PHEX: variants seen among roughly 807,000 people sequenced by gnomAD.
PHEX encodes phosphate-regulating neutral endopeptidase PHEX.
PHEX carries 16 observed loss-of-function variants against 68.0 expected under a neutral mutation model. The ratio of observed to expected loss-of-function variants is 0.24; its 90% CI spans 0.16 to 0.36. The LOEUF (loss-of-function observed/expected upper bound fraction) is 0.36. Ranked by LOEUF, PHEX falls within the 10% of genes least tolerant of loss-of-function variation. PHEX has a pLI of 1.00. For missense variants in PHEX, 480 were observed against 575.5 expected (o/e 0.83, Z 1.70); for synonymous variants, 208 against 205.1 (o/e 1.01, Z -0.12).
At chrX:22,209,675 CCTCCCTCTCCTCCCTCTCCTCCCT>C (rs1363056527) in intron 15 of PHEX, among the ~76,000 whole-genome samples, 7 of 85,316 alleles carry the variant, frequency 8.2e-5, no homozygotes, top group Non-Finnish European at 1.5e-4. Context: ...CCTTCCTCTC[CCTCCCTCTCCTCCCTCTCCTCCCT>C]CTCCCTCTCT....
chrX:22,139,937 T>C lies in PHEX; in HGVS notation c.1404+6313T>C, dbSNP rs757983599. Reference sequence around the variant, plus strand: ...ATGTAAATGTCATTTAGGGGGATGCTTTAGGTCATTCATTCTCACACTTGA... The same window carrying C: ...ATGTAAATGTCATTTAGGGGGATGCCTTAGGTCATTCATTCTCACACTTGA... On this transcript the variant is annotated intron_variant, in intron 12 of 21. Coordinates refer to ENST00000379374, the MANE Select transcript of PHEX (RefSeq NM_000444.6). Among the ~76,000 whole-genome samples, 445 of 111,232 alleles carry C rather than the reference T, an allele frequency of 4.0e-3. 5 individuals carry two copies. The highest frequency in any genetic ancestry group is 0.013 in the African/African-American group (404 of 30,660).
chrX:22,153,871 T>A (rs1372124572), intron 12 of PHEX, among the ~76,000 whole-genome samples: 1 of 112,285 alleles, frequency 8.9e-6, no homozygotes, highest in Non-Finnish European at 1.9e-5. Flanking sequence ...ATGGCTTTTT[T>A]GATGCCTGAA....
At chrX:22,135,099 A>G (rs1244121586) in intron 12 of PHEX, among the ~76,000 whole-genome samples, 2 of 112,232 alleles carry the variant, frequency 1.8e-5, no homozygotes, top group Admixed American at 9.5e-5. Context: ...GCGTTTGTTC[A>G]GTGTTTATAA....
intron 8 of PHEX, chrX:22,097,610 G>A (rs1602290995): frequency 4.4e-6 from 1 of 228,706 alleles, no homozygotes; most frequent in East Asian, 2.4e-4. Context: ...GGGGAGGTTG[G>A]GCAAGTGAGT....
At chrX:22,107,551 C>T (rs1422935580) in intron 9 of PHEX, among the ~76,000 whole-genome samples, 3 of 111,856 alleles carry the variant, frequency 2.7e-5, no homozygotes, top group African/African-American at 9.8e-5. Context: ...CTGCCCACTT[C>T]CTTGAGTGAT....
Position 22,178,311 on chromosome X carries a change from A to G in PHEX, c.1521A>G (p.Leu507=). 8.3e-7 allele frequency: 1 copy of G among 1,205,330 alleles called. No homozygotes were observed. Among genetic ancestry groups the G allele is most frequent in the Non-Finnish European group, 1.1e-6 (1 of 890,456 alleles). The part of the protein sequence containing the change: ...FSEADYFGNV[L]QTRKYLAQSD... ...AAGCCGACTACTTTGGCAACGTCCT[A>G]CAAACTCGCAAGTATTTAGCACAGT... is the stretch of plus-strand genomic sequence containing the variant. Residue 507 remains leucine (L), a synonymous_variant, in exon 14 of 22, where the codon CTA becomes CTG. Coordinates refer to ENST00000379374, the MANE Select transcript of PHEX (RefSeq NM_000444.6).
At chrX:22,186,848 A>G (rs1934047453) in intron 14 of PHEX, among the ~76,000 whole-genome samples, 1 of 112,434 alleles carries the variant, frequency 8.9e-6, no homozygotes. Flanking sequence ...TTTTCCCTGC[A>G]TGGCCCTTAC....
At chrX:22,091,907 C>T (rs185221602) in intron 6 of PHEX, among the ~76,000 whole-genome samples, 16 of 111,893 alleles carry the variant, frequency 1.4e-4, no homozygotes, top group African/African-American at 5.2e-4. Flanking sequence ...CAGGGGAACT[C>T]CCATTTATAA....
chrX:22,196,508 C>T (rs893515696), intron 15 of PHEX, among the ~76,000 whole-genome samples: 6 of 112,424 alleles, frequency 5.3e-5, no homozygotes, highest in Admixed American at 9.4e-5. Context: ...ATTTACAAAA[C>T]AGGTGGCAAT....
chrX:22,238,831 A>G (rs5951735), intron 20 of PHEX, among the ~76,000 whole-genome samples: 5,406 of 111,609 alleles, frequency 0.048, 276 homozygotes, highest in East Asian at 0.22. Flanking sequence ...GCTTCAGCAG[A>G]CTTAAACGTC....
In PHEX at chrX:22,250,218, T is replaced by C. The variant is rs772094808; in HGVS notation, c.*2265T>C. On this transcript the variant is annotated 3_prime_UTR_variant, in exon 22 of 22. Coordinates refer to ENST00000379374, the MANE Select transcript of PHEX (RefSeq NM_000444.6). ...TACATGCTTATGTTTAACTCAACTC[T>C]TCCAATTACATTCTCATTGTCCTTT... The C allele has an allele frequency of 8.9e-6, 1 of 112,296 alleles. No individual in the cohort carries two copies. The highest frequency in any genetic ancestry group is 3.7e-4 in the South Asian group (1 of 2,689). The allele number at this position is 112,296 out of a possible 1,213,427, so 9.3% of individuals were successfully genotyped here. A position where few individuals can be genotyped will look rare whatever the true frequency, so the allele number is the denominator to read the frequency against.
chrX:22,186,318 C>A (rs1412270646), intron 14 of PHEX, among the ~76,000 whole-genome samples: 2 of 111,645 alleles, frequency 1.8e-5, no homozygotes, highest in African/African-American at 3.3e-5. Context: ...AATTACCTAG[C>A]CTTGGAAGTC....
chrX:22,205,560 A>G (rs913853155), intron 15 of PHEX, among the ~76,000 whole-genome samples: 2 of 111,026 alleles, frequency 1.8e-5, no homozygotes, highest in Admixed American at 9.7e-5. Flanking sequence ...CATGGAAATA[A>G]CAGGAAAAGA....
chrX:22,101,366 G>A (rs755787629), intron 9 of PHEX, among the ~76,000 whole-genome samples: 7 of 111,755 alleles, frequency 6.3e-5, no homozygotes, highest in Admixed American at 9.5e-5. Context: ...ATTGATGATC[G>A]TGTTTAATCA....
chrX:22,043,655 G>A (rs1408380585), intron 2 of PHEX, among the ~76,000 whole-genome samples: 1 of 111,461 alleles, frequency 9.0e-6, no homozygotes, highest in African/African-American at 3.3e-5. Flanking sequence ...TTTTATTATT[G>A]TTAATTATTA....
chrX:22,216,605 C>T (rs370677373), intron 16 of PHEX, among the ~76,000 whole-genome samples: 14 of 110,112 alleles, frequency 1.3e-4, no homozygotes, highest in South Asian at 3.9e-4. Flanking sequence ...CTGCAACCTC[C>T]GCCTCCCGGG....
At chrX:22,041,545 G>T (rs2146982901) in intron 2 of PHEX, among the ~76,000 whole-genome samples, 1 of 109,110 alleles carries the variant, frequency 9.2e-6, no homozygotes, top group South Asian at 3.9e-4. Flanking sequence ...ACTCTTTTTG[G>T]CCCTGGAACT....
chrX:22,168,654 A>G (rs1256143711), intron 13 of PHEX, among the ~76,000 whole-genome samples: 2 of 112,278 alleles, frequency 1.8e-5, no homozygotes, highest in Non-Finnish European at 1.9e-5. Context: ...TAATTTGATC[A>G]TAAAAGAAAG....
intron 1 of PHEX, among the ~76,000 whole-genome samples, chrX:22,034,969 A>T (rs1926945026): frequency 9.2e-6 from 1 of 108,872 alleles, no homozygotes; most frequent in South Asian, 3.9e-4. Flanking sequence ...TCTGCCACCC[A>T]CCTCCACTCT....
Sources: gnomAD v4.1 joint callset for allele counts (sites outside exome capture counted in the v4.1 genomes callset) on GRCh38, gnomAD v4.1.1 for gene constraint, MANE v1.5 for transcripts, NCBI Gene and HGNC (gene_info 2026-07-23, HGNC 2026-07-21) for gene names.